IPO11: variants seen among roughly 807,000 people sequenced by gnomAD.
IPO11 encodes the protein importin-11.
A neutral mutation model predicts 143.2 loss-of-function variants in IPO11; 66 were observed. The observed-to-expected ratio is 0.46, with a 90% confidence interval of 0.38 to 0.57. The LOEUF (loss-of-function observed/expected upper bound fraction) is 0.57, where lower values mean the gene tolerates loss of function less well. Among genes scored for constraint, IPO11 ranks in the 20% least tolerant of loss-of-function variants. The pLI, the probability that IPO11 is intolerant of heterozygous loss-of-function variation, is 0.00. For synonymous variants in IPO11, 385 were observed against 377.8 expected, an observed-to-expected ratio of 1.02 and a Z score of -0.22; for missense variants, 1,026 against 1,141.0, an observed-to-expected ratio of 0.90 and a Z score of 1.45.
Position 62,586,234 on chromosome 5 carries a change from T to C in IPO11, c.2583-5343T>C, listed in dbSNP as rs1580354945. On this transcript the variant is annotated intron_variant, in intron 27 of 29. Transcript: ENST00000325324. ...GAAGTTGTTAGTTTAATTACACATA[T>C]GTATTTTTAAATGTGAAATTTTGCT... 3.9e-5 allele frequency among the ~76,000 whole-genome samples: 6 copies of C among 152,344 alleles called. 1 individual carries two copies. Among genetic ancestry groups the C allele is most frequent in the Admixed American group, 2.6e-4 (4 of 15,302 alleles).
In IPO11 at chr5:62,412,849, T is replaced by G. The variant is rs1222224642; in HGVS notation, c.-87T>G. The G allele has an allele frequency of 6.6e-6, 1 of 152,326 alleles. No individual in the cohort carries two copies. Among genetic ancestry groups the G allele is most frequent in the African/African-American group, 2.4e-5 (1 of 41,322 alleles). 9.4% of individuals were successfully genotyped at this position (152,326 alleles called of 1,614,324 possible). A position where few individuals can be genotyped will look rare whatever the true frequency, so the allele number is the denominator to read the frequency against. Reference sequence around the variant, plus strand: ...GGCGGCGGCGTGGGGTCTGGCAGCGTGGGGAGAGGGACCAACCGACGCCAC... The same window carrying G: ...GGCGGCGGCGTGGGGTCTGGCAGCGGGGGGAGAGGGACCAACCGACGCCAC... On this transcript the variant is annotated 5_prime_UTR_variant, in exon 1 of 30. Coordinates refer to ENST00000325324, the MANE Select transcript of IPO11 (RefSeq NM_016338.5).
intron 26 of IPO11, 83 bp from the exon 27 acceptor site, chr5:62,561,053 A>G: frequency 2.4e-6 from 3 of 1,231,902 alleles, no homozygotes; most frequent in Non-Finnish European, 3.3e-6. Flanking sequence ...ACCATGACTT[A>G]TGAGGCTTTA....
chr5:62,513,262 G>A (rs1467380899), intron 19 of IPO11, among the ~76,000 whole-genome samples: 3 of 151,040 alleles, frequency 2.0e-5, no homozygotes, highest in Non-Finnish European at 3.0e-5. Context: ...CGGGCGGGGG[G>A]CTGACCCCCC....
intron 29 of IPO11, among the ~76,000 whole-genome samples, chr5:62,603,940 A>G (rs1179377120): frequency 6.6e-6 from 1 of 152,320 alleles, no homozygotes; most frequent in East Asian, 1.9e-4. Flanking sequence ...GTTTAGATAC[A>G]CAGATACTAC....
rs116801530 is a variant in IPO11, at chr5:62,475,881, A to G, written c.758-802A>G. On this transcript the variant is annotated intron_variant, in intron 8 of 29. Transcript: ENST00000325324. Reference sequence around the variant, plus strand: ...CTTCCATGTGATTGTAAGCACCTTTATTTGGACATACACATGTGTGCACAC... The same window carrying G: ...CTTCCATGTGATTGTAAGCACCTTTGTTTGGACATACACATGTGTGCACAC... Among the ~76,000 whole-genome samples the G allele has an allele frequency of 4.4e-3, 670 of 152,250 alleles. 7 individuals are homozygous for G. Among genetic ancestry groups the G allele is most frequent in the African/African-American group, 0.016 (646 of 41,536 alleles).
chr5:62,537,718 A>G (rs1253005987), intron 24 of IPO11, among the ~76,000 whole-genome samples: 1 of 152,224 alleles, frequency 6.6e-6, no homozygotes, highest in African/African-American at 2.4e-5. Context: ...TAAGTTGGCT[A>G]TCAAAATTAG....
At chr5:62,485,391 T>C (rs1406372752) in intron 11 of IPO11, 28 bp from the exon 12 acceptor site, 7 of 1,565,268 alleles carry the variant, frequency 4.5e-6, no homozygotes, top group Non-Finnish European at 6.2e-6. Context: ...ATGTTGAAAA[T>C]GTCATTATTA....
intron 24 of IPO11, among the ~76,000 whole-genome samples, chr5:62,540,482 T>G: frequency 6.6e-6 from 1 of 152,358 alleles, no homozygotes; most frequent in Non-Finnish European, 1.5e-5. Flanking sequence ...ACAATATTGT[T>G]AAAGTAATTG....
rs200504250 is a variant in IPO11 at position 62,435,136 on chromosome 5, GTA to G, written c.-6-2132_-6-2131del. On this transcript the variant is annotated intron_variant, in intron 1 of 29. Coordinates refer to ENST00000325324, the MANE Select transcript of IPO11 (RefSeq NM_016338.5). ...TATATATGTATATATGTATATATAT[GTA>G]TATATGTATATATGTATATATATGT... Among the ~76,000 whole-genome samples, 43 of 95,896 alleles carry G rather than the reference GTA, an allele frequency of 4.5e-4. 2 individuals carry two copies. The highest frequency in any genetic ancestry group is 2.0e-3 in the African/African-American group (36 of 17,586). 62.9% of individuals were successfully genotyped at this position (95,896 alleles called of 152,430 possible).
chr5:62,489,105 G>A lies in IPO11; in HGVS notation c.1310-197G>A, dbSNP rs1746514587. 1.3e-5 allele frequency among the ~76,000 whole-genome samples: 2 copies of A among 152,046 alleles called. 1 individual carries two copies. The highest frequency in any genetic ancestry group is 4.1e-4 in the South Asian group (2 of 4,820). On this transcript the variant is annotated intron_variant, in intron 13 of 29. Coordinates refer to ENST00000325324, the MANE Select transcript of IPO11 (RefSeq NM_016338.5). Reference sequence around the variant, plus strand: ...TAACATTTTTCAAATATGCTATAATGGTTTTTAATCCTGTGTTCTCTAATG... The same window carrying A: ...TAACATTTTTCAAATATGCTATAATAGTTTTTAATCCTGTGTTCTCTAATG...
At chr5:62,579,762 G>A (rs1744472366) in intron 27 of IPO11, 2 of 1,543,944 alleles carry the variant, frequency 1.3e-6, no homozygotes, top group Non-Finnish European at 1.8e-6. Flanking sequence ...TTCAATTGAG[G>A]CATCTATATT....
At chr5:62,494,191 A>G (rs1741047261) in intron 16 of IPO11, 67 bp downstream of exon 16, 3 of 1,406,150 alleles carry the variant, frequency 2.1e-6, no homozygotes, top group Non-Finnish European at 2.9e-6. Context: ...CATCAAGTTC[A>G]CAACAGTTTA....
At chr5:62,567,586 G>A (rs1743996401) in intron 27 of IPO11, among the ~76,000 whole-genome samples, 1 of 120,044 alleles carries the variant, frequency 8.3e-6, no homozygotes, top group Non-Finnish European at 1.7e-5. Flanking sequence ...TTTTAAGATG[G>A]AGTTTCACTC....
At chr5:62,607,860 C>T (rs1161719963) in intron 29 of IPO11, among the ~76,000 whole-genome samples, 1 of 149,006 alleles carries the variant, frequency 6.7e-6, no homozygotes, top group Non-Finnish European at 1.5e-5. Flanking sequence ...GTGGTGCTAT[C>T]TCAGCTCACT....
chr5:62,464,290 AC>A (rs1440423295), intron 5 of IPO11, among the ~76,000 whole-genome samples: 1 of 150,288 alleles, frequency 6.7e-6, no homozygotes, highest in Non-Finnish European at 1.5e-5. Context: ...ACAGACGTGT[AC>A]CACCATGCCC....
chr5:62,598,535 CTTTTCTT>C (rs1745365719), intron 28 of IPO11, among the ~76,000 whole-genome samples: 1 of 5,840 alleles, frequency 1.7e-4, no homozygotes, highest in African/African-American at 1.6e-3. Flanking sequence ...TCTTTTCTTT[CTTTTCTT>C]TCTTTTCTTT....
At chr5:62,579,257 AT>A (rs1159323666) in intron 27 of IPO11, 5 of 621,820 alleles carry the variant, frequency 8.0e-6, no homozygotes, top group Non-Finnish European at 1.4e-5. Flanking sequence ...CATACTCATT[AT>A]TTTTTGCTAT....
chr5:62,600,197 G>T (rs1243100068), intron 28 of IPO11, among the ~76,000 whole-genome samples: 2 of 152,008 alleles, frequency 1.3e-5, no homozygotes, highest in Non-Finnish European at 2.9e-5. Context: ...CTGCCACCAC[G>T]CCTGGCTAGT....
At chr5:62,494,602 A>G (rs777111212) in intron 16 of IPO11, among the ~76,000 whole-genome samples, 4 of 152,090 alleles carry the variant, frequency 2.6e-5, no homozygotes, top group Non-Finnish European at 5.9e-5. Flanking sequence ...AGAACTTGAT[A>G]GTAAGCTCTT....
Sources: gnomAD v4.1 joint callset for allele counts (sites outside exome capture counted in the v4.1 genomes callset) on GRCh38, gnomAD v4.1.1 for gene constraint, MANE v1.5 for transcripts, NCBI Gene and HGNC (gene_info 2026-07-23, HGNC 2026-07-21) for gene names.